Variants in BIN1 observed in about 807,000 individuals in gnomAD.
The protein encoded by BIN1 is myc box-dependent-interacting protein 1.
In BIN1, 53 loss-of-function variants were observed where a neutral mutation model predicts 82.0. The ratio of observed to expected loss-of-function variants is 0.65; its 90% CI spans 0.52 to 0.81. BIN1 has a LOEUF of 0.81. Among genes scored for constraint, BIN1 ranks in the 40% least tolerant of loss-of-function variants. The pLI is 0.00. For synonymous variants in BIN1, 302 were observed against 328.0 expected, an observed-to-expected ratio of 0.92 and a Z score of 0.86; for missense variants, 642 against 784.4, an observed-to-expected ratio of 0.82 and a Z score of 2.17.
intron 1 of BIN1, among the ~76,000 whole-genome samples, chr2:127,098,568 T>A (rs1311346083): frequency 6.9e-6 from 1 of 144,128 alleles, no homozygotes; most frequent in Admixed American, 6.9e-5. Context: ...CCACGCCCCA[T>A]GCTGTTGCTG....
intron 9 of BIN1, 138 bp downstream of exon 9, chr2:127,063,433 C>T (rs1372965979): frequency 9.6e-6 from 9 of 939,164 alleles, no homozygotes; most frequent in South Asian, 1.5e-5. Flanking sequence ...TCCACAGGGC[C>T]GGGAGGGAGC....
At position 127,090,010 on chromosome 2, in the gene BIN1, C is replaced by A. The variant is rs1374972185; in HGVS notation, c.85-13304G>T. 6.7e-6 allele frequency among the ~76,000 whole-genome samples: 1 copy of A among 149,628 alleles called. No individual in the cohort carries two copies. Among genetic ancestry groups the A allele is most frequent in the Non-Finnish European group, 1.5e-5 (1 of 67,658 alleles). ...TCCCCCAACCCCCAGCTCACATAAG[C>A]CTTCCCCGCACCTGCCGCCCAGTGC... On this transcript the variant is annotated intron_variant, in intron 1 of 18. Coordinates refer to ENST00000316724, the MANE Select transcript of BIN1 (RefSeq NM_139343.3). This position sits in a 1 kb window ranked among gnomAD's most constrained non-coding sequence, Gnocchi z 6.4.
intron 1 of BIN1, among the ~76,000 whole-genome samples, chr2:127,105,503 T>TCCTCC (rs1480065007): frequency 6.5e-4 from 89 of 137,700 alleles, no homozygotes; most frequent in Middle Eastern, 3.9e-3. Context: ...CTCCTCCTCC[T>TCCTCC]TCCCTGGGGT....
chr2:127,085,386 G>A (rs1334424226), intron 1 of BIN1, among the ~76,000 whole-genome samples: 1 of 152,206 alleles, frequency 6.6e-6, no homozygotes, highest in African/African-American at 2.4e-5. Context: ...AGGCAAGAAC[G>A]CTCCCCAGCC....
At chr2:127,069,881 G>T (rs1000698296) in intron 5 of BIN1, 114 bp downstream of exon 5, 2 of 1,090,156 alleles carry the variant, frequency 1.8e-6, no homozygotes. Context: ...CGGGCCAGGC[G>T]CTTCCTGCCT....
At chr2:127,053,758 G>A (rs916267343) in intron 13 of BIN1, 147 bp downstream of exon 13, 1 of 798,982 alleles carries the variant, frequency 1.3e-6, no homozygotes, top group Non-Finnish European at 2.1e-6. Flanking sequence ...CCTACAACCA[G>A]GAGGTGATGA....
rs778753636 is a variant in BIN1 at position 127,068,604 on chromosome 2, G to A, written c.519+320C>T. 1.2e-4 allele frequency among the ~76,000 whole-genome samples: 19 copies of A among 152,204 alleles called. No individual in the cohort carries two copies. The highest frequency in any genetic ancestry group is 1.7e-4 in the African/African-American group (7 of 41,466). Reference sequence around the variant, plus strand: ...AGCCAGGGACAGGTCGCCTGGGATCGCGTGACGAATTCCACCCGGCTCGCC... The same window carrying A: ...AGCCAGGGACAGGTCGCCTGGGATCACGTGACGAATTCCACCCGGCTCGCC... On this transcript the variant is annotated intron_variant, in intron 6 of 18. Transcript: ENST00000316724. This position sits in a 1 kb window ranked among gnomAD's most constrained non-coding sequence, Gnocchi z 4.9.
At chr2:127,069,864 GAAA>G (rs1685651385) in intron 5 of BIN1, 128 bp downstream of exon 5, 1 of 914,430 alleles carries the variant, frequency 1.1e-6, no homozygotes, top group Non-Finnish European at 1.7e-6. Flanking sequence ...CCGGAGGGGT[GAAA>G]CACCGGGCCA....
Position 127,070,010 on chromosome 2 carries a change from C to T in BIN1, c.396G>A (p.Gln132=). 1 of 1,614,172 alleles carries T rather than the reference C, an allele frequency of 6.2e-7. No homozygotes were observed. The highest frequency in any genetic ancestry group is 8.5e-7 in the Non-Finnish European group (1 of 1,179,998). ...GGTCTCTCACCTTGATGTCGGGGAA[C>T]TGGCCCAGGTACGTGTCCATGGTCA... is the stretch of plus-strand genomic sequence containing the variant. ...ALLTMDTYLG[Q]FPDIKSRIAK... is the part of the protein sequence containing the mutation. Residue 132 remains glutamine (Q), a synonymous_variant, in exon 5 of 19, where the codon CAG becomes CAA. Coordinates refer to ENST00000316724, the MANE Select transcript of BIN1 (RefSeq NM_139343.3).
intron 7 of BIN1, among the ~76,000 whole-genome samples, chr2:127,065,107 G>A (rs1684985437): frequency 6.6e-6 from 1 of 152,192 alleles, no homozygotes; most frequent in South Asian, 2.1e-4. Flanking sequence ...ATTGCCCCAA[G>A]CCCAGCCAGC....
chr2:127,068,115 G>T lies in BIN1; in HGVS notation c.612+48C>A, dbSNP rs766189804. 1 of 1,572,008 alleles carries T rather than the reference G, an allele frequency of 6.4e-7. No individual in the cohort carries two copies. Among genetic ancestry groups the T allele is most frequent in the African/African-American group, 1.4e-5 (1 of 73,966 alleles). ...CCACCGCAGGGCGAGAGGACAGGACGACAGACCGGAAGGCGCCAGCACGTG... is the reference window on the plus strand; with the variant it reads ...CCACCGCAGGGCGAGAGGACAGGACTACAGACCGGAAGGCGCCAGCACGTG... On this transcript the variant is annotated intron_variant, in intron 7 of 18. Coordinates refer to ENST00000316724, the MANE Select transcript of BIN1 (RefSeq NM_139343.3). This position sits in a 1 kb window ranked among gnomAD's most constrained non-coding sequence, Gnocchi z 4.9.
At chr2:127,086,815 T>A (rs1300711235) in intron 1 of BIN1, among the ~76,000 whole-genome samples, 1 of 150,608 alleles carries the variant, frequency 6.6e-6, no homozygotes, top group Non-Finnish European at 1.5e-5. Context: ...CAGTGATCCG[T>A]CTTTTTAACA....
chr2:127,053,497 AG>A (rs761602967), intron 13 of BIN1, 52 bp from the exon 14 acceptor site: 14 of 1,605,762 alleles, frequency 8.7e-6, no homozygotes, highest in African/African-American at 4.0e-5. Context: ...GGTTAGAGAC[AG>A]GGCGGCAAGC....
intron 1 of BIN1, among the ~76,000 whole-genome samples, chr2:127,099,234 G>T (rs1210802565): frequency 6.6e-6 from 1 of 152,198 alleles, no homozygotes; most frequent in Non-Finnish European, 1.5e-5. Context: ...CCAAGCTGAG[G>T]GGATGAGATG....
chr2:127,099,653 A>T (rs1044702878), intron 1 of BIN1, among the ~76,000 whole-genome samples: 9 of 151,928 alleles, frequency 5.9e-5, no homozygotes, highest in Non-Finnish European at 1.0e-4. Context: ...AGCTGGGATT[A>T]CAGGCGCATG....
chr2:127,100,839 A>G (rs1680218368), intron 1 of BIN1, among the ~76,000 whole-genome samples: 1 of 152,098 alleles, frequency 6.6e-6, no homozygotes. Flanking sequence ...TGGTCTCCGC[A>G]GGAGCAGAAC....
Position 127,082,191 on chromosome 2 carries a change from C to T in BIN1, c.85-5485G>A, listed in dbSNP as rs1042230225. 2.2e-4 allele frequency among the ~76,000 whole-genome samples: 33 copies of T among 152,114 alleles called. No homozygotes were observed. The highest frequency in any genetic ancestry group is 2.1e-4 in the Non-Finnish European group (14 of 67,996). On this transcript the variant is annotated intron_variant, in intron 1 of 18. Transcript: ENST00000316724. This position sits in a 1 kb window ranked among gnomAD's most constrained non-coding sequence, Gnocchi z 6.1. ...GGGTCCAGGCTCGCTCACTGACTCC[C>T]GGGGGCTGTCCCTCTGTCAATCTTT...
At chr2:127,106,834 G>C in intron 1 of BIN1, 26 bp downstream of exon 1, 1 of 1,579,002 alleles carries the variant, frequency 6.3e-7, no homozygotes, top group Non-Finnish European at 8.6e-7. Context: ...GGGACTCCGC[G>C]GCTGCTGGGG....
intron 1 of BIN1, among the ~76,000 whole-genome samples, chr2:127,078,105 G>A (rs894649681): frequency 2.6e-5 from 4 of 152,196 alleles, no homozygotes; most frequent in African/African-American, 9.6e-5. Context: ...CTGGACCAAC[G>A]GATGCCTGGT....
Sources: gnomAD v4.1 joint callset for allele counts (sites outside exome capture counted in the v4.1 genomes callset) on GRCh38, gnomAD v4.1.1 for gene constraint, Gnocchi (gnomAD v3.1) non-coding constraint, MANE v1.5 for transcripts, NCBI Gene and HGNC (gene_info 2026-07-23, HGNC 2026-07-21) for gene names.